PRKCSH: variants seen among roughly 807,000 people sequenced by gnomAD.
PRKCSH encodes the protein PRKCSH beta subunit of glucosidase II.
A neutral mutation model predicts 79.7 loss-of-function variants in PRKCSH; 42 were observed. The ratio of observed to expected loss-of-function variants is 0.53; its 90% CI spans 0.41 to 0.68. The LOEUF (loss-of-function observed/expected upper bound fraction) is 0.68, where lower values mean the gene tolerates loss of function less well. PRKCSH is among the 30% of genes least tolerant of loss of function. The pLI, the probability that PRKCSH is intolerant of heterozygous loss-of-function variation, is 0.00. For synonymous variants in PRKCSH, 325 were observed against 288.2 expected (o/e 1.13, Z -1.29); for missense variants, 686 against 709.0 (o/e 0.97, Z 0.37).
Position 11,448,826 on chromosome 19 carries a change from T to C in PRKCSH, c.1287-88T>C. On this transcript the variant is annotated intron_variant, in intron 14 of 17. Coordinates refer to ENST00000677123, the MANE Select transcript of PRKCSH (RefSeq NM_001289104.2). This position sits in a 1 kb window ranked among gnomAD's most constrained non-coding sequence, Gnocchi z 4.4. ...ATTGGAGTTGGAGGTACCCTGTGTGTGGGGACTGGAGGAGGCGGTGGGGGG... is the reference window on the plus strand; with the variant it reads ...ATTGGAGTTGGAGGTACCCTGTGTGCGGGGACTGGAGGAGGCGGTGGGGGG... 6.6e-7 allele frequency: 1 copy of C among 1,515,582 alleles called. No individual in the cohort carries two copies. The highest frequency in any genetic ancestry group is 9.2e-7 in the Non-Finnish European group (1 of 1,091,476). The allele number at this position is 1,515,582 out of a possible 1,614,324, so 93.9% of individuals were successfully genotyped here.
At position 11,437,985 on chromosome 19, in the gene PRKCSH, C is replaced by T. The variant is rs374493368; in HGVS notation, c.292+14C>T. Reference sequence around the variant, plus strand: ...ATGGTGTTTGTGGTAAGTGAAGATGCACCAGGATTCTGGAAAGGTGGTAGA... The same window carrying T: ...ATGGTGTTTGTGGTAAGTGAAGATGTACCAGGATTCTGGAAAGGTGGTAGA... On this transcript the variant is annotated intron_variant, in intron 4 of 17. Coordinates refer to ENST00000677123, the MANE Select transcript of PRKCSH (RefSeq NM_001289104.2). 3 of 1,613,638 alleles carry T rather than the reference C, an allele frequency of 1.9e-6. No homozygotes were observed. Among genetic ancestry groups the T allele is most frequent in the Non-Finnish European group, 2.5e-6 (3 of 1,179,658 alleles).
rs890272106 is a variant in PRKCSH at position 11,436,371 on chromosome 19, G to C, written c.80-18G>C. ...AAGGCGCTTACCTGCCCTGGGCTGA[G>C]CTTCCTGTACCCCGCAGATCATCAC... is the stretch of plus-strand genomic sequence containing the variant. On this transcript the variant is annotated intron_variant, in intron 2 of 17. Coordinates refer to ENST00000677123, the MANE Select transcript of PRKCSH (RefSeq NM_001289104.2). 6.2e-7 allele frequency: 1 copy of C among 1,612,612 alleles called. No homozygotes were observed. Among genetic ancestry groups the C allele is most frequent in the Non-Finnish European group, 8.5e-7 (1 of 1,178,572 alleles).
chr19:11,438,898 G>A (rs145166285), intron 5 of PRKCSH, among the ~76,000 whole-genome samples: 28 of 151,768 alleles, frequency 1.8e-4, no homozygotes, highest in African/African-American at 6.8e-4. Context: ...TAGGCATGAT[G>A]ATTTATTTTT....
chr19:11,441,233 A>G lies in PRKCSH; in HGVS notation c.351-7A>G. The G allele has an allele frequency of 6.2e-7, 1 of 1,612,156 alleles. No homozygotes were observed. The highest frequency in any genetic ancestry group is 1.3e-5 in the African/African-American group (1 of 74,982). The stretch of plus-strand genomic sequence containing the variant: ...ACTGGTGGTGCCTGTGTGTCTCCGC[A>G]CCGCAGAGAGAAGGGCCGTAAGGAG... On this transcript the variant is annotated splice_region_variant and splice_polypyrimidine_tract_variant and intron_variant, in intron 5 of 17. Coordinates refer to ENST00000677123, the MANE Select transcript of PRKCSH (RefSeq NM_001289104.2).
chr19:11,439,720 A>G (rs1323760363), intron 5 of PRKCSH, among the ~76,000 whole-genome samples: 1 of 142,302 alleles, frequency 7.0e-6, no homozygotes, highest in Non-Finnish European at 1.5e-5. Context: ...TCCCGGGTTC[A>G]AGCGATTCTT....
intron 2 of PRKCSH, 41 bp from the exon 3 acceptor site, chr19:11,436,348 G>GGC (rs754118464): frequency 6.3e-7 from 1 of 1,597,996 alleles, no homozygotes; most frequent in East Asian, 2.2e-5. Context: ...TGGTGGAGAA[G>GGC]GCGCTTACCT....
intron 3 of PRKCSH, 119 bp from the exon 4 acceptor site, chr19:11,437,757 G>A: frequency 1.1e-6 from 1 of 933,810 alleles, no homozygotes; most frequent in South Asian, 1.3e-5. Context: ...CCTTCCTTTG[G>A]TTTCCTTTCC....
intron 9 of PRKCSH, among the ~76,000 whole-genome samples, 195 bp from the exon 10 acceptor site, chr19:11,446,878 CT>C (rs1016848708): frequency 6.6e-5 from 10 of 152,132 alleles, no homozygotes; most frequent in Non-Finnish European, 1.0e-4. Flanking sequence ...ACTCCAGCCC[CT>C]GGTCTCCTCC....
At chr19:11,442,140 G>C (rs547549317) in intron 6 of PRKCSH, among the ~76,000 whole-genome samples, 1 of 152,214 alleles carries the variant, frequency 6.6e-6, no homozygotes, top group Non-Finnish European at 1.5e-5. Context: ...GTAAGATAGG[G>C]ATGGGGCAAA....
Position 11,435,660 on chromosome 19 carries a change from C to T in PRKCSH, c.-124C>T, listed in dbSNP as rs1969679099. On this transcript the variant is annotated 5_prime_UTR_variant, in exon 1 of 18. Transcript: ENST00000677123. The stretch of plus-strand genomic sequence containing the variant: ...CTTTCTGCAGCAGGAACCGCGGCTG[C>T]TGGACAAGAGGGGTGCGGTGGATAC... 4 of 1,294,676 alleles carry T rather than the reference C, an allele frequency of 3.1e-6. No homozygotes were observed. The highest frequency in any genetic ancestry group is 3.0e-6 in the Non-Finnish European group (3 of 991,764). 80.2% of individuals were successfully genotyped at this position (1,294,676 alleles called of 1,614,324 possible).
intron 7 of PRKCSH, among the ~76,000 whole-genome samples, chr19:11,443,942 A>C (rs568292953): frequency 6.6e-6 from 1 of 152,106 alleles, no homozygotes; most frequent in Admixed American, 6.5e-5. Flanking sequence ...CAGCCGGCTA[A>C]TTTTTGTAGT....
In PRKCSH at chr19:11,447,283, C is replaced by T. The variant is rs1970352918; in HGVS notation, c.849+123C>T. ...CTGGCCAGCTGGGTGGCCCCAGCAC[C>T]CCCCACCGAGACCCCCCGACCCCAG... On this transcript the variant is annotated intron_variant, in intron 10 of 17. Transcript: ENST00000677123. This position sits in a 1 kb window ranked among gnomAD's most constrained non-coding sequence, Gnocchi z 5.6. The T allele has an allele frequency of 5.1e-6, 7 of 1,361,912 alleles. No homozygotes were observed. The highest frequency in any genetic ancestry group is 7.2e-6 in the Non-Finnish European group (7 of 978,540). 84.4% of individuals were successfully genotyped at this position (1,361,912 alleles called of 1,614,324 possible). A position where few individuals can be genotyped will look rare whatever the true frequency, so the allele number is the denominator to read the frequency against.
intron 17 of PRKCSH, chr19:11,450,301 C>T (rs1367958364): frequency 6.7e-6 from 1 of 149,984 alleles, no homozygotes. Context: ...GGTGTAAAAC[C>T]CCATCTCTAC....
chr19:11,445,607 C>T (rs796335352), intron 8 of PRKCSH, 134 bp downstream of exon 8: 116 of 850,808 alleles, frequency 1.4e-4, no homozygotes, highest in African/African-American at 1.3e-3. Context: ...TCCCAAGCCC[C>T]GTGTGACCCC....
Position 11,448,263 on chromosome 19 carries a change from T to A in PRKCSH, c.1168T>A (p.Ser390Thr). 6.4e-7 allele frequency: 1 copy of A among 1,570,962 alleles called. No homozygotes were observed. Among genetic ancestry groups the A allele is most frequent in the Non-Finnish European group, 8.6e-7 (1 of 1,157,750 alleles). ...CAACAAGTTCGAGGAGGCCGAGCGG[T>A]CGCTGAAGGACATGGAGGAGTCCAT... is the stretch of plus-strand genomic sequence containing the variant. ...ARNKFEEAER[S>T]LKDMEESIRN... Residue 390 changes from serine to threonine, a missense_variant, in exon 13 of 18, where the codon TCG (serine) becomes ACG (threonine). Around this residue, in one of 2 missense-constraint regions of PRKCSH, gnomAD observed 549 missense variants for 520.2 expected, o/e 1.06. Transcript: ENST00000677123. The surrounding 1 kb of genome is among the most constrained non-coding windows in gnomAD (Gnocchi z 4.4).
chr19:11,446,432 G>T (rs1449213805), intron 9 of PRKCSH, 82 bp downstream of exon 9: 18 of 1,488,126 alleles, frequency 1.2e-5, no homozygotes, highest in Non-Finnish European at 1.7e-5. Context: ...GGGGACCAAG[G>T]AAAGCTCCTT....
At chr19:11,438,477 C>CCA (rs1354905806) in intron 5 of PRKCSH, among the ~76,000 whole-genome samples, 1 of 152,134 alleles carries the variant, frequency 6.6e-6, no homozygotes, top group Non-Finnish European at 1.5e-5. Context: ...CGGAAGGAGG[C>CCA]CAGGCGCGGT....
chr19:11,448,530 C>A lies in PRKCSH; in HGVS notation c.1197-10C>A, dbSNP rs1415077314. On this transcript the variant is annotated splice_polypyrimidine_tract_variant and intron_variant, in intron 13 of 17. Coordinates refer to ENST00000677123, the MANE Select transcript of PRKCSH (RefSeq NM_001289104.2). This position sits in a 1 kb window ranked among gnomAD's most constrained non-coding sequence, Gnocchi z 4.4. The stretch of plus-strand genomic sequence containing the variant: ...CAGCTGCCCCTTAACCGCTCCGCCT[C>A]CCCTTCCAGGAACCTGGAGCAAGAG... 1 of 1,613,424 alleles carries A rather than the reference C, an allele frequency of 6.2e-7. No homozygotes were observed. The highest frequency in any genetic ancestry group is 1.3e-5 in the African/African-American group (1 of 74,942).
chr19:11,436,830 CAG>C lies in PRKCSH; in HGVS notation c.196+328_196+329del, dbSNP rs1363036016. The C allele has an allele frequency of 1.0e-5, 4 of 382,730 alleles. No individual in the cohort carries two copies. In the East Asian group the frequency reaches 2.5e-4, roughly 24 times the overall value. The allele number at this position is 382,730 out of a possible 1,614,324, so 23.7% of individuals were successfully genotyped here. On this transcript the variant is annotated intron_variant, in intron 3 of 17. Coordinates refer to ENST00000677123, the MANE Select transcript of PRKCSH (RefSeq NM_001289104.2). ...GGGCCAAGAGCAATCCAGCAGGAGACAGAGGTGAAGGGAGACCCTGGCTTTTT... is the reference window on the plus strand; with the variant it reads ...GGGCCAAGAGCAATCCAGCAGGAGACAGGTGAAGGGAGACCCTGGCTTTTT...
Sources: allele counts gnomAD v4.1 joint callset (sites outside exome capture counted in the v4.1 genomes callset), GRCh38; gene constraint gnomAD v4.1.1; regional missense constraint gnomAD v4.1.1; non-coding constraint Gnocchi (gnomAD v3.1); transcripts MANE v1.5; gene names NCBI Gene and HGNC (gene_info 2026-07-23, HGNC 2026-07-21).